Variants in LRRIQ1 observed in about 807,000 individuals in gnomAD.
LRRIQ1 encodes the protein leucine-rich repeat- and IQ domain-containing protein 1.
A neutral mutation model predicts 211.9 loss-of-function variants in LRRIQ1; 210 were observed. That is an observed-to-expected ratio of 0.99 (90% CI 0.89 to 1.11). LRRIQ1 has a LOEUF of 1.11. Ranked by LOEUF, LRRIQ1 falls within the 50% of genes most tolerant of loss-of-function variation. The pLI, the probability that LRRIQ1 is intolerant of heterozygous loss-of-function variation, is 0.00. For missense variants in LRRIQ1, 2,136 were observed against 1,939.5 expected, an observed-to-expected ratio of 1.10 and a Z score of -1.90; for synonymous variants, 699 against 650.1, an observed-to-expected ratio of 1.08 and a Z score of -1.14.
At position 85,143,937 on chromosome 12, in the gene LRRIQ1, C is replaced by T. The variant is rs1889714294; in HGVS notation, c.4329+5968C>T. ...TTTTAAAATTTTTAAATTTTAGTTT[C>T]AGGGGTACATGTGCAGCTTTGCTAT... On this transcript the variant is annotated intron_variant, in intron 19 of 26. Coordinates refer to ENST00000393217, the MANE Select transcript of LRRIQ1 (RefSeq NM_001079910.2). Among the ~76,000 whole-genome samples, 3 of 151,452 alleles carry T rather than the reference C, an allele frequency of 2.0e-5. No individual in the cohort carries two copies. In the Admixed American group the frequency reaches 2.0e-4, roughly 10 times the overall value.
chr12:85,224,224 C>G (rs1264089554), intron 24 of LRRIQ1, among the ~76,000 whole-genome samples: 1 of 151,972 alleles, frequency 6.6e-6, no homozygotes, highest in Non-Finnish European at 1.5e-5. Flanking sequence ...GTTAGAATGG[C>G]CATCATTGAA....
chr12:85,105,766 G>C (rs2136318428), intron 14 of LRRIQ1, among the ~76,000 whole-genome samples: 2 of 149,258 alleles, frequency 1.3e-5, no homozygotes, highest in Admixed American at 1.3e-4. Flanking sequence ...TTCTATTTTA[G>C]GACAGGTCAT....
intron 3 of LRRIQ1, among the ~76,000 whole-genome samples, chr12:85,043,755 A>C (rs955176816): frequency 7.9e-5 from 12 of 151,922 alleles, no homozygotes; most frequent in African/African-American, 2.4e-4. Context: ...AACCCCACAC[A>C]TATATCATAA....
intron 11 of LRRIQ1, among the ~76,000 whole-genome samples, chr12:85,077,832 C>T (rs1883828731): frequency 6.6e-6 from 1 of 151,760 alleles, no homozygotes; most frequent in Admixed American, 6.6e-5. Flanking sequence ...ATAAAATAAA[C>T]AAAAAATAAG....
intron 26 of LRRIQ1, 188 bp downstream of exon 26, chr12:85,232,944 A>G (rs1216370580): frequency 4.0e-6 from 2 of 502,646 alleles, no homozygotes; most frequent in Non-Finnish European, 6.9e-6. Context: ...TTAAAATGTG[A>G]CATTGCTTAA....
downstream of LRRIQ1, among the ~76,000 whole-genome samples, chr12:85,248,995 A>G (rs1301266154): frequency 6.6e-6 from 1 of 151,832 alleles, no homozygotes; most frequent in Admixed American, 6.6e-5. Context: ...AATAATAAGT[A>G]ACAAATGAAG....
intron 25 of LRRIQ1, among the ~76,000 whole-genome samples, chr12:85,231,256 G>C (rs1894924422): frequency 6.6e-6 from 1 of 151,992 alleles, no homozygotes; most frequent in Non-Finnish European, 1.5e-5. Flanking sequence ...TTTAATATGT[G>C]ATCAATTATA....
chr12:85,060,384 CTA>C (rs1490542916), intron 8 of LRRIQ1, among the ~76,000 whole-genome samples: 4 of 151,800 alleles, frequency 2.6e-5, no homozygotes, highest in Admixed American at 6.6e-5. Flanking sequence ...AATGTTTTAA[CTA>C]TTTTTTATTT....
intron 19 of LRRIQ1, among the ~76,000 whole-genome samples, chr12:85,146,318 G>A (rs1889892060): frequency 6.6e-6 from 1 of 151,734 alleles, no homozygotes; most frequent in African/African-American, 2.4e-5. Context: ...GATGACTGAG[G>A]ATGGGGATGG....
At chr12:85,237,512 C>T (rs1200479620) in intron 26 of LRRIQ1, among the ~76,000 whole-genome samples, 2 of 152,014 alleles carry the variant, frequency 1.3e-5, no homozygotes, top group African/African-American at 4.8e-5. Context: ...ATATACTGCA[C>T]TATGTGACTC....
intron 1 of LRRIQ1, among the ~76,000 whole-genome samples, chr12:85,258,011 A>G (rs1031414814): frequency 6.6e-6 from 1 of 151,882 alleles, no homozygotes; most frequent in African/African-American, 2.4e-5. Flanking sequence ...TGCATGGTAG[A>G]TATTATAAAA....
At chr12:85,194,640 A>C (rs1329613814) in intron 24 of LRRIQ1, among the ~76,000 whole-genome samples, 2 of 152,150 alleles carry the variant, frequency 1.3e-5, no homozygotes, top group Non-Finnish European at 2.9e-5. Flanking sequence ...ACAAAGACAC[A>C]ACATACCAGA....
At chr12:85,179,716 A>G (rs1268337565) in intron 24 of LRRIQ1, among the ~76,000 whole-genome samples, 1 of 151,942 alleles carries the variant, frequency 6.6e-6, no homozygotes, top group African/African-American at 2.4e-5. Flanking sequence ...AATGACCCTC[A>G]TCACCTTTCC....
chr12:85,158,949 A>G (rs1890711596), intron 23 of LRRIQ1, among the ~76,000 whole-genome samples: 1 of 151,752 alleles, frequency 6.6e-6, no homozygotes, highest in Non-Finnish European at 1.5e-5. Context: ...TGGTATTTTC[A>G]GGGACTATCA....
At chr12:85,122,015 A>T in intron 16 of LRRIQ1, 139 bp downstream of exon 16, 2 of 550,452 alleles carry the variant, frequency 3.6e-6, no homozygotes, top group Admixed American at 4.3e-5. Flanking sequence ...ACCTTTAAAA[A>T]CTTTGGACAT....
At chr12:85,045,879 T>TCTCAAATACAATTA (rs1879486466) in intron 4 of LRRIQ1, 141 bp from the exon 5 acceptor site, 1 of 445,734 alleles carries the variant, frequency 2.2e-6, no homozygotes, top group East Asian at 3.2e-5. Context: ...ATCAATGTGC[T>TCTCAAATACAATTA]GCAGATTTGT....
Position 85,137,944 on chromosome 12 carries a change from A to G in LRRIQ1, c.4304A>G (p.Asp1435Gly). ...TCCGATGAAGAATACAGAGAAATAG[A>G]TTTAGAGGATTTTATATTTGATGAA... ...EESDEEYREI[D>G]LEDFIFDEAA... Residue 1435 changes from aspartate (D) to glycine (G), a missense_variant, in exon 19 of 27, where the codon GAT becomes GGT. Physicochemically the swap from Asp to Gly is moderately conservative, Grantham distance 94. Coordinates refer to ENST00000393217, the MANE Select transcript of LRRIQ1 (RefSeq NM_001079910.2). 1 of 1,475,462 alleles carries G rather than the reference A, an allele frequency of 6.8e-7. No individual in the cohort carries two copies. Among genetic ancestry groups the G allele is most frequent in the Non-Finnish European group, 9.4e-7 (1 of 1,064,224 alleles). The allele number at this position is 1,475,462 out of a possible 1,614,324, so 91.4% of individuals were successfully genotyped here.
At chr12:85,119,581 G>T (rs571583652) in intron 15 of LRRIQ1, among the ~76,000 whole-genome samples, 160 of 152,228 alleles carry the variant, frequency 1.1e-3, no homozygotes, top group African/African-American at 3.7e-3. Context: ...ATAGGAAATT[G>T]TCAAATTGTC....
chr12:85,174,701 C>CAAAAAAAAAAAAAAAAAAAAAAA lies in LRRIQ1; in HGVS notation c.4822+14009_4822+14010insAAAAAAAAAAAAAAAAAAAAAAA, dbSNP rs71076115. Among the ~76,000 whole-genome samples, 55 of 21,580 alleles carry CAAAAAAAAAAAAAAAAAAAAAAA rather than the reference C, an allele frequency of 2.5e-3. 6 individuals are homozygous for CAAAAAAAAAAAAAAAAAAAAAAA. Among genetic ancestry groups the CAAAAAAAAAAAAAAAAAAAAAAA allele is most frequent in the South Asian group, 7.6e-3 (5 of 658 alleles). The allele number at this position is 21,580 out of a possible 152,430, so 14.2% of individuals were successfully genotyped here. ...TGGGTGACAGAGCAAGAGTACAGCT[C>CAAAAAAAAAAAAAAAAAAAAAAA]AAAAAAAAAAAAAAAAAAAAAATCT... On this transcript the variant is annotated intron_variant, in intron 24 of 26. Coordinates refer to ENST00000393217, the MANE Select transcript of LRRIQ1 (RefSeq NM_001079910.2).
Sources: gnomAD v4.1 joint callset for allele counts (sites outside exome capture counted in the v4.1 genomes callset) on GRCh38, gnomAD v4.1.1 for gene constraint, MANE v1.5 for transcripts, NCBI Gene and HGNC (gene_info 2026-07-23, HGNC 2026-07-21) for gene names.